Variants in ASB18 observed in about 807,000 individuals in gnomAD.
ASB18 encodes ankyrin repeat and SOCS box protein 18.
ASB18 carries 33 observed loss-of-function variants against 33.4 expected under a neutral mutation model. The ratio of observed to expected loss-of-function variants is 0.99; its 90% CI spans 0.75 to 1.32. The LOEUF (loss-of-function observed/expected upper bound fraction) is 1.32. Ranked by LOEUF, ASB18 falls within the 40% of genes most tolerant of loss-of-function variation. The pLI, the probability that ASB18 is intolerant of heterozygous loss-of-function variation, is 0.00. For missense variants in ASB18, 694 were observed against 655.5 expected (o/e 1.06, Z -0.64); for synonymous variants, 295 against 307.6 (o/e 0.96, Z 0.43).
intron 1 of ASB18, among the ~76,000 whole-genome samples, chr2:236,246,747 A>G (rs759862779): frequency 9.9e-5 from 15 of 152,172 alleles, no homozygotes; most frequent in South Asian, 2.1e-4. Context: ...TCATTTATGT[A>G]TTCTGTAGTT....
intron 4 of ASB18, among the ~76,000 whole-genome samples, chr2:236,198,558 G>C (rs2060385136): frequency 6.6e-6 from 1 of 152,110 alleles, no homozygotes. Flanking sequence ...ATTAGAGACA[G>C]AGTTTCACCA....
At position 236,216,748 on chromosome 2, in the gene ASB18, G is replaced by A. The variant is rs2060489268; in HGVS notation, c.597-1882C>T. Among the ~76,000 whole-genome samples the A allele has an allele frequency of 6.6e-6, 1 of 152,092 alleles. No homozygotes were observed. Among genetic ancestry groups the A allele is most frequent in the Non-Finnish European group, 1.5e-5 (1 of 68,012 alleles). ...AGAGCCTTTCCAGTGCCAATCAAAT[G>A]TGCCTGCCAACAACCCCACCACTCC... On this transcript the variant is annotated intron_variant, in intron 3 of 5. Transcript: ENST00000409749. This position sits in a 1 kb window ranked among gnomAD's most constrained non-coding sequence, Gnocchi z 6.1.
Position 236,238,561 on chromosome 2 carries a change from G to C in ASB18, c.329-605C>G, listed in dbSNP as rs13424780. On this transcript the variant is annotated intron_variant, in intron 2 of 5. Coordinates refer to ENST00000409749, the MANE Select transcript of ASB18 (RefSeq NM_212556.4). This position sits in a 1 kb window ranked among gnomAD's most constrained non-coding sequence, Gnocchi z 5.2. ...GTTTTCAGAAGCACACTTTGATGTG[G>C]TGGTCCACATTCAGCACAATCCTGG... Among the ~76,000 whole-genome samples the C allele has an allele frequency of 0.096, 14,633 of 152,098 alleles. 798 individuals carry two copies. Among genetic ancestry groups the C allele is most frequent in the Middle Eastern group, 0.18 (53 of 294 alleles).
rs577803133 is a variant in ASB18, at chr2:236,228,777, C to T, written c.596+8912G>A. Among the ~76,000 whole-genome samples the T allele has an allele frequency of 6.6e-6, 1 of 152,164 alleles. No homozygotes were observed. Among genetic ancestry groups the T allele is most frequent in the South Asian group, 2.1e-4 (1 of 4,814 alleles). ...TCTCAGTAGCAGAAAAAAAAATTAA[C>T]CTTAGACTAACCACCGATTGACTTC... On this transcript the variant is annotated intron_variant, in intron 3 of 5. Coordinates refer to ENST00000409749, the MANE Select transcript of ASB18 (RefSeq NM_212556.4). This position sits in a 1 kb window ranked among gnomAD's most constrained non-coding sequence, Gnocchi z 5.1.
Position 236,241,278 on chromosome 2 carries a change from A to T in ASB18, c.328+2T>A, listed in dbSNP as rs1405547030. 6.2e-7 allele frequency: 1 copy of T among 1,613,822 alleles called. No individual in the cohort carries two copies. The highest frequency in any genetic ancestry group is 1.3e-5 in the African/African-American group (1 of 75,040). On this transcript the variant is annotated splice_donor_variant, in intron 2 of 5. Transcript: ENST00000409749. LOFTEE classifies it high-confidence loss of function. The surrounding 1 kb of genome is among the most constrained non-coding windows in gnomAD (Gnocchi z 4.2). ...TGACTGAGCTTTAAAGAACAAGGGT[A>T]CCTGATAGTCCAAACGTGGCTGGAG...
chr2:236,219,613 G>A lies in ASB18; in HGVS notation c.597-4747C>T, dbSNP rs547682741. On this transcript the variant is annotated intron_variant, in intron 3 of 5. Coordinates refer to ENST00000409749, the MANE Select transcript of ASB18 (RefSeq NM_212556.4). This position sits in a 1 kb window ranked among gnomAD's most constrained non-coding sequence, Gnocchi z 6.4. ...TATCATTTCAATCCCTCCTATCAAC[G>A]TCACCAGTGGAAGAAATGGCCCAGT... 5.3e-5 allele frequency among the ~76,000 whole-genome samples: 8 copies of A among 152,230 alleles called. No homozygotes were observed. The highest frequency in any genetic ancestry group is 2.1e-4 in the South Asian group (1 of 4,822).
chr2:236,245,668 C>T lies in ASB18; in HGVS notation c.206-4266G>A, dbSNP rs1186127279. 2.0e-5 allele frequency among the ~76,000 whole-genome samples: 3 copies of T among 152,148 alleles called. No homozygotes were observed. Among genetic ancestry groups the T allele is most frequent in the Non-Finnish European group, 2.9e-5 (2 of 68,030 alleles). ...CTGTCCTTGCACTCTGACTGTGGCACTGGGCGCTCTACTATTACTGCTGGT... is the reference window on the plus strand; with the variant it reads ...CTGTCCTTGCACTCTGACTGTGGCATTGGGCGCTCTACTATTACTGCTGGT... On this transcript the variant is annotated intron_variant, in intron 1 of 5. Coordinates refer to ENST00000409749, the MANE Select transcript of ASB18 (RefSeq NM_212556.4). This position sits in a 1 kb window ranked among gnomAD's most constrained non-coding sequence, Gnocchi z 4.7.
chr2:236,254,646 T>C (rs1559339148), intron 1 of ASB18, among the ~76,000 whole-genome samples: 1 of 152,122 alleles, frequency 6.6e-6, no homozygotes, highest in Non-Finnish European at 1.5e-5. Context: ...ATCATTTTAC[T>C]TTCTCTTCTT....
In ASB18 at chr2:236,215,013, TA is replaced by T; in HGVS notation, c.597-148del. The T allele has an allele frequency of 3.8e-6, 1 of 261,510 alleles. No individual in the cohort carries two copies. Among genetic ancestry groups the T allele is most frequent in the Non-Finnish European group, 5.7e-6 (1 of 176,674 alleles). The allele number at this position is 261,510 out of a possible 1,614,324, so 16.2% of individuals were successfully genotyped here. On this transcript the variant is annotated intron_variant, in intron 3 of 5. Coordinates refer to ENST00000409749, the MANE Select transcript of ASB18 (RefSeq NM_212556.4). The surrounding 1 kb of genome is among the most constrained non-coding windows in gnomAD (Gnocchi z 7.2). ...ATACCAAGGCGTCAGGAGTTCAAAC[TA>T]AACTGGAAAAAAAAAAAAAAAAAAA...
chr2:236,236,626 C>A (rs1019258453), intron 3 of ASB18, among the ~76,000 whole-genome samples: 5 of 151,250 alleles, frequency 3.3e-5, no homozygotes, highest in Non-Finnish European at 5.9e-5. Flanking sequence ...GCCCCCTGAT[C>A]CCCCCTCTGA....
In ASB18 at chr2:236,264,314, GGGTAGTC is replaced by G; in HGVS notation, c.25_31del (p.Asp9HisfsTer6). ...TCTCTTCACTAAATCTGAGTTGAGT[GGGTAGTC>G]GGGAAGGTAATCCGAGTTGGACATT... On this transcript the variant is annotated frameshift_variant, in exon 1 of 6. Coordinates refer to ENST00000409749, the MANE Select transcript of ASB18 (RefSeq NM_212556.4). LOFTEE classifies it high-confidence loss of function. The surrounding 1 kb of genome is among the most constrained non-coding windows in gnomAD (Gnocchi z 5.1). 6.2e-7 allele frequency: 1 copy of G among 1,613,988 alleles called. No individual in the cohort carries two copies. Among genetic ancestry groups the G allele is most frequent in the South Asian group, 1.1e-5 (1 of 91,086 alleles).
Position 236,226,691 on chromosome 2 carries a change from A to T in ASB18, c.596+10998T>A, listed in dbSNP as rs956109252. Among the ~76,000 whole-genome samples the T allele has an allele frequency of 2.0e-5, 3 of 152,166 alleles. No individual in the cohort carries two copies. Among genetic ancestry groups the T allele is most frequent in the Non-Finnish European group, 2.9e-5 (2 of 68,034 alleles). ...GCGTCTCTTCAGCAGTGTTGCAATG[A>T]TTCACAGCATTTTGTGTTTATTTTG... On this transcript the variant is annotated intron_variant, in intron 3 of 5. Coordinates refer to ENST00000409749, the MANE Select transcript of ASB18 (RefSeq NM_212556.4). This position sits in a 1 kb window ranked among gnomAD's most constrained non-coding sequence, Gnocchi z 4.8.
rs574567273 is a variant in ASB18, at chr2:236,251,992, C to T, written c.206-10590G>A. On this transcript the variant is annotated intron_variant, in intron 1 of 5. Transcript: ENST00000409749. This position sits in a 1 kb window ranked among gnomAD's most constrained non-coding sequence, Gnocchi z 5.3. ...CAGAAATAAATAGTAGAAATCTGGC[C>T]GGGCATGGTGGCTCATGCCTGTAAT... Among the ~76,000 whole-genome samples the T allele has an allele frequency of 9.9e-5, 15 of 152,120 alleles. No individual in the cohort carries two copies. Among genetic ancestry groups the T allele is most frequent in the African/African-American group, 2.9e-4 (12 of 41,508 alleles).
At position 236,237,432 on chromosome 2, in the gene ASB18, G is replaced by C. The variant is rs979943389; in HGVS notation, c.596+257C>G. Among the ~76,000 whole-genome samples, 1 of 92,850 alleles carries C rather than the reference G, an allele frequency of 1.1e-5. No individual in the cohort carries two copies. The highest frequency in any genetic ancestry group is 2.0e-5 in the Non-Finnish European group (1 of 49,064). The allele number at this position is 92,850 out of a possible 152,430, so 60.9% of individuals were successfully genotyped here. A position where few individuals can be genotyped will look rare whatever the true frequency, so the allele number is the denominator to read the frequency against. On this transcript the variant is annotated intron_variant, in intron 3 of 5. Coordinates refer to ENST00000409749, the MANE Select transcript of ASB18 (RefSeq NM_212556.4). The surrounding 1 kb of genome is among the most constrained non-coding windows in gnomAD (Gnocchi z 6.2). ...GGGGCGGGGGCCGGGGCCGGGGCGC[G>C]GGGCGAGGGCCGGGAGGTGCCAGGT...
In ASB18 at chr2:236,214,634, C is replaced by G; in HGVS notation, c.829G>C (p.Ala277Pro). The change falls in exon 4 of 6, where the codon GCG becomes CCG. Residue 277 changes from alanine (A) to proline (P), a missense_variant. Coordinates refer to ENST00000409749, the MANE Select transcript of ASB18 (RefSeq NM_212556.4). The surrounding 1 kb of genome is among the most constrained non-coding windows in gnomAD (Gnocchi z 6.5). ...DEHGRCLRLC[A>P]LLLRRGAEAD... is the part of the protein sequence containing the mutation. The stretch of plus-strand genomic sequence containing the variant: ...TCCGCCCCGCGCCGCAGCAGCAGCG[C>G]GCACAGGCGCAGGCAGCGCCCGTGC... 8.5e-7 allele frequency: 1 copy of G among 1,181,256 alleles called. No individual in the cohort carries two copies. The highest frequency in any genetic ancestry group is 1.0e-6 in the Non-Finnish European group (1 of 957,470). The allele number at this position is 1,181,256 out of a possible 1,614,324, so 73.2% of individuals were successfully genotyped here.
chr2:236,224,190 T>C (rs933034508), intron 3 of ASB18, among the ~76,000 whole-genome samples: 5 of 145,882 alleles, frequency 3.4e-5, no homozygotes, highest in African/African-American at 1.3e-4. Flanking sequence ...GTCAGGTTTT[T>C]TTTTTTTTTT....
At chr2:236,213,000 T>C (rs1331842225) in intron 4 of ASB18, among the ~76,000 whole-genome samples, 1 of 152,214 alleles carries the variant, frequency 6.6e-6, no homozygotes, top group Non-Finnish European at 1.5e-5. Context: ...AGACACAGTG[T>C]GCATGGGAAG....
chr2:236,263,812 G>A lies in ASB18; in HGVS notation c.205+329C>T, dbSNP rs1413442600. ...TTTAGATTTTGTAGATCTCAAGGGA[G>A]CAGAACACACAATTATGTGTATGAT... On this transcript the variant is annotated intron_variant, in intron 1 of 5. Transcript: ENST00000409749. The surrounding 1 kb of genome is among the most constrained non-coding windows in gnomAD (Gnocchi z 4.0). 6.6e-6 allele frequency among the ~76,000 whole-genome samples: 1 copy of A among 151,416 alleles called. No individual in the cohort carries two copies. The highest frequency in any genetic ancestry group is 1.5e-5 in the Non-Finnish European group (1 of 67,818).
chr2:236,227,433 A>C (rs2060546002), intron 3 of ASB18, among the ~76,000 whole-genome samples: 1 of 152,234 alleles, frequency 6.6e-6, no homozygotes, highest in South Asian at 2.1e-4. Context: ...GTGCTCTTCT[A>C]AGCAAATTAG....
Sources: gnomAD v4.1 joint callset for allele counts (sites outside exome capture counted in the v4.1 genomes callset) on GRCh38, gnomAD v4.1.1 for gene constraint, Gnocchi (gnomAD v3.1) non-coding constraint, MANE v1.5 for transcripts, NCBI Gene and HGNC (gene_info 2026-07-23, HGNC 2026-07-21) for gene names.